Variants in PER2 observed in about 807,000 individuals in gnomAD.
The protein encoded by PER2 is period circadian regulator 2.
In PER2, 66 loss-of-function variants were observed where a neutral mutation model predicts 121.0. The ratio of observed to expected loss-of-function variants is 0.55; its 90% confidence interval spans 0.45 to 0.67. The LOEUF is 0.67. Among genes scored for constraint, PER2 ranks in the 30% least tolerant of loss-of-function variants. The pLI is 0.00. For synonymous variants in PER2, 684 were observed against 659.9 expected (o/e 1.04, Z -0.56); for missense variants, 1,521 against 1,635.0 (o/e 0.93, Z 1.20).
At position 238,253,756 on chromosome 2, in the gene PER2, A is replaced by T; in HGVS notation, c.2321-54T>A. The T allele has an allele frequency of 4.4e-6, 6 of 1,371,944 alleles. No homozygotes were observed. Among genetic ancestry groups the T allele is most frequent in the Non-Finnish European group, 6.1e-6 (6 of 991,538 alleles). 85.0% of individuals were successfully genotyped at this position (1,371,944 alleles called of 1,614,324 possible). A position where few individuals can be genotyped will look rare whatever the true frequency, so the allele number is the denominator to read the frequency against. On this transcript the variant is annotated intron_variant, in intron 18 of 22. Transcript: ENST00000254657. The surrounding 1 kb of genome is among the most constrained non-coding windows in gnomAD (Gnocchi z 5.6). ...TAAAATTTTAACTCCAAATTTGAAGACACCTCTTCGTTCAACAGTCCTGGG... is the reference window on the plus strand; with the variant it reads ...TAAAATTTTAACTCCAAATTTGAAGTCACCTCTTCGTTCAACAGTCCTGGG...
intron 1 of PER2, among the ~76,000 whole-genome samples, chr2:238,281,379 G>A (rs567539504): frequency 6.6e-6 from 1 of 152,294 alleles, no homozygotes; most frequent in East Asian, 1.9e-4. Flanking sequence ...ATACTTGATT[G>A]TGGGTTACAT....
chr2:238,292,504 G>C (rs549459779), upstream of PER2, among the ~76,000 whole-genome samples: 1 of 152,162 alleles, frequency 6.6e-6, no homozygotes. Context: ...GCTAGGACCC[G>C]CATTTGATGT....
chr2:238,271,167 C>T (rs1424005648), intron 6 of PER2, 145 bp downstream of exon 6: 5 of 766,330 alleles, frequency 6.5e-6, no homozygotes, highest in Non-Finnish European at 7.2e-6. Context: ...TTATCCTTTA[C>T]CTTTGCCAGA....
rs748320260 is a variant in PER2 at position 238,257,000 on chromosome 2, C to T, written c.1987G>A (p.Val663Met). Reference sequence around the variant, plus strand: ...CTGCACTGGCTGGTGAGCGACGCCACACTCTCTGCCTTGCCCGGCAGTGCC... The same window carrying T: ...CTGCACTGGCTGGTGAGCGACGCCATACTCTCTGCCTTGCCCGGCAGTGCC... ...SLALPGKAES[V>M]ASLTSQCSYS... Residue 663 changes from valine to methionine, a missense_variant, in exon 17 of 23, where the codon GTG becomes ATG. By Grantham distance (21) the Val-to-Met change is conservative (BLOSUM62 1). Transcript: ENST00000254657. 3.7e-6 allele frequency: 6 copies of T among 1,613,680 alleles called. No homozygotes were observed. Among genetic ancestry groups the T allele is most frequent in the African/African-American group, 2.7e-5 (2 of 74,952 alleles).
intron 11 of PER2, 117 bp from the exon 12 acceptor site, chr2:238,261,954 C>T (rs545120259): frequency 3.9e-6 from 3 of 770,632 alleles, no homozygotes; most frequent in Non-Finnish European, 6.5e-6. Context: ...TCCCCTGCAG[C>T]CCCCCAGGCT....
At chr2:238,287,830 G>C (rs1696833138) in intron 1 of PER2, among the ~76,000 whole-genome samples, 1 of 152,160 alleles carries the variant, frequency 6.6e-6, no homozygotes, top group Non-Finnish European at 1.5e-5. Context: ...TTCCTGAAGG[G>C]GGAAGCAGGC....
intron 3 of PER2, among the ~76,000 whole-genome samples, chr2:238,276,886 C>A (rs894484810): frequency 6.6e-6 from 1 of 152,180 alleles, no homozygotes; most frequent in Non-Finnish European, 1.5e-5. Flanking sequence ...CAGGCAAAGT[C>A]GGCTTCGAGT....
chr2:238,253,110 C>A lies in PER2; in HGVS notation c.2913G>T (p.Ser971=). 1 of 1,604,694 alleles carries A rather than the reference C, an allele frequency of 6.2e-7. No homozygotes were observed. Among genetic ancestry groups the A allele is most frequent in the African/African-American group, 1.3e-5 (1 of 74,718 alleles). ...ACPATRATPP[S]AMGRASPPLF... ...GCGGTGGGGAGGCCCTACCCATGGC[C>A]GATGGTGGGGTGGCCCGGGTGGCTG... The change falls in exon 19 of 23, where the codon TCG becomes TCT. Residue 971 remains serine, a synonymous_variant. Transcript: ENST00000254657. The surrounding 1 kb of genome is among the most constrained non-coding windows in gnomAD (Gnocchi z 5.6).
chr2:238,264,690 T>C, intron 9 of PER2, among the ~76,000 whole-genome samples: 1 of 152,130 alleles, frequency 6.6e-6, no homozygotes, highest in East Asian at 1.9e-4. Flanking sequence ...AGTGGTGCAA[T>C]CATAGCTCAC....
chr2:238,255,790 T>C lies in PER2; in HGVS notation c.2187A>G (p.Val729=). The C allele has an allele frequency of 6.2e-7, 1 of 1,614,164 alleles. No homozygotes were observed. ...PFKKLGLTKE[V]LAAHTQKEEQ... Reference sequence around the variant, plus strand: ...CCTCCTTCTGTGTGTGTGCAGCGAGTACCTCCTTGGTGAGGCCCAGCTTCT... The same window carrying C: ...CCTCCTTCTGTGTGTGTGCAGCGAGCACCTCCTTGGTGAGGCCCAGCTTCT... Residue 729 remains valine, a synonymous_variant, in exon 18 of 23, where the codon GTA becomes GTG. Transcript: ENST00000254657.
chr2:238,274,750 G>A (rs1255167962), intron 4 of PER2, among the ~76,000 whole-genome samples: 4 of 152,202 alleles, frequency 2.6e-5, no homozygotes. Flanking sequence ...TTTCCATGCG[G>A]TATCTTTAGA....
the PER2 span, among the ~76,000 whole-genome samples, chr2:238,298,036 T>TTTC: frequency 6.7e-6 from 1 of 149,780 alleles, no homozygotes; most frequent in Non-Finnish European, 1.5e-5. Flanking sequence ...TTGTTCTTTT[T>TTTC]TTTTTTTTTT....
intron 18 of PER2, 57 bp downstream of exon 18, chr2:238,255,600 C>A: frequency 1.3e-6 from 2 of 1,563,068 alleles, no homozygotes; most frequent in Non-Finnish European, 1.8e-6. Context: ...GCACTGGACT[C>A]AGTACCAACA....
rs758953553 is a variant in PER2 at position 238,251,583 on chromosome 2, G to A, written c.3274+16C>T. 5.6e-5 allele frequency: 90 copies of A among 1,612,648 alleles called. No homozygotes were observed. The highest frequency in any genetic ancestry group is 8.9e-5 in the East Asian group (4 of 44,890). On this transcript the variant is annotated intron_variant, in intron 20 of 22. Transcript: ENST00000254657. The stretch of plus-strand genomic sequence containing the variant: ...GAACCTCCCAAGTGCCTAACACCCC[G>A]CCAGGGCCAACATACCTGCCCCACT...
At chr2:238,297,908 G>A in the PER2 span, among the ~76,000 whole-genome samples, 6 of 152,230 alleles carry the variant, frequency 3.9e-5, no homozygotes, top group African/African-American at 1.2e-4. Context: ...CCGCGTGTCT[G>A]GCTTGCCTCG....
chr2:238,263,168 C>T (rs1695989084), intron 9 of PER2, 110 bp from the exon 10 acceptor site: 2 of 718,326 alleles, frequency 2.8e-6, no homozygotes, highest in Non-Finnish European at 2.5e-6. Context: ...AAACCCCACC[C>T]CCTCCCCCAC....
At chr2:238,255,478 A>C in intron 18 of PER2, 179 bp downstream of exon 18, 2 of 698,566 alleles carry the variant, frequency 2.9e-6, no homozygotes, top group Non-Finnish European at 5.1e-6. Flanking sequence ...TCCCGAGAGC[A>C]CCCCCCCGGT....
chr2:238,272,992 G>C (rs2304675), intron 5 of PER2, 78 bp downstream of exon 5: 1 of 1,387,022 alleles, frequency 7.2e-7, no homozygotes. Context: ...TACAGCCACC[G>C]GCCGCAGTGC....
rs758736978 is a variant in PER2, at chr2:238,261,841, C to T, written c.1308-4G>A. On this transcript the variant is annotated splice_polypyrimidine_tract_variant and splice_region_variant and intron_variant, in intron 11 of 22. Transcript: ENST00000254657. ...CACGTCCTCATTCAAAGGGCCCCTG[C>T]GTGGTTTTAATTCATCTTGTTAGAT... is the stretch of plus-strand genomic sequence containing the variant. 3.5e-5 allele frequency: 54 copies of T among 1,552,874 alleles called. No homozygotes were observed. The highest frequency in any genetic ancestry group is 2.1e-4 in the South Asian group (18 of 84,396).
Sources: gnomAD v4.1 joint callset for allele counts (sites outside exome capture counted in the v4.1 genomes callset) on GRCh38, gnomAD v4.1.1 for gene constraint, Gnocchi (gnomAD v3.1) non-coding constraint, MANE v1.5 for transcripts, NCBI Gene and HGNC (gene_info 2026-07-23, HGNC 2026-07-21) for gene names.